The following USP22 variants were observed in gnomAD, a reference collection of about 807,000 sequenced individuals.
USP22 encodes ubiquitin carboxyl-terminal hydrolase 22.
USP22 carries 22 observed loss-of-function variants against 68.1 expected under a neutral mutation model. The ratio of observed to expected loss-of-function variants is 0.32; its 90% CI spans 0.23 to 0.46. The LOEUF (loss-of-function observed/expected upper bound fraction) is 0.46, where lower values mean the gene tolerates loss of function less well. Among genes scored for constraint, USP22 ranks in the 20% least tolerant of loss-of-function variants. USP22 has a pLI of 1.00. For synonymous variants in USP22, 279 were observed against 274.2 expected (o/e 1.02, Z -0.17); for missense variants, 433 against 695.8 (o/e 0.62, Z 4.25).
At position 21,011,234 on chromosome 17, in the gene USP22, G is replaced by C. The variant is rs118038927; in HGVS notation, c.1020C>G (p.Pro340=). The C allele has an allele frequency of 0.012, 19,189 of 1,606,578 alleles. 144 individuals are homozygous for C. Among genetic ancestry groups the C allele is most frequent in the South Asian group, 0.015 (1,384 of 89,800 alleles). Residue 340 remains proline, a synonymous_variant, in exon 8 of 13, where the codon CCC becomes CCG. Coordinates refer to ENST00000261497, the MANE Select transcript of USP22 (RefSeq NM_015276.2). The stretch of plus-strand genomic sequence containing the variant: ...CGTTGCCCTCGCTCCCTGGGCTCAG[G>C]GGCCAGAATGGGGTGGAAGAGCCGG... ...DLPGSSTPFW[P]LSPGSEGNVV... is the part of the protein sequence containing the mutation.
chr17:21,027,946 T>C (rs530714648), intron 2 of USP22, among the ~76,000 whole-genome samples: 11 of 152,164 alleles, frequency 7.2e-5, no homozygotes, highest in Admixed American at 3.3e-4. Flanking sequence ...CCACCCTGGG[T>C]GACAGCGCGA....
chr17:21,011,257 C>T lies in USP22; in HGVS notation c.997G>A (p.Gly333Ser). ...AGGGGCCAGAATGGGGTGGAAGAGC[C>T]GGGGAGATCCAAGCTGATGTCCCAG... The part of the protein sequence containing the change: ...PFWDISLDLP[G>S]SSTPFWPLSP... Residue 333 changes from glycine to serine, a missense_variant, in exon 8 of 13, where the codon GGC (glycine) becomes AGC (serine). By Grantham distance (56) the Gly-to-Ser change is moderately conservative (BLOSUM62 0). This residue lies in a region of USP22 where 178 missense variants were observed against 351.5 expected (regional missense o/e 0.51). Transcript: ENST00000261497. 6.3e-7 allele frequency: 1 copy of T among 1,591,676 alleles called. No homozygotes were observed. The highest frequency in any genetic ancestry group is 8.6e-7 in the Non-Finnish European group (1 of 1,168,784).
chr17:21,018,754 C>T (rs1035808013), intron 4 of USP22, among the ~76,000 whole-genome samples: 13 of 152,196 alleles, frequency 8.5e-5, no homozygotes, highest in East Asian at 1.9e-4. Context: ...GAAAATTCAG[C>T]GAACACTTAC....
chr17:21,008,165 C>G (rs548711941), intron 8 of USP22, among the ~76,000 whole-genome samples, 169 bp from the exon 9 acceptor site: 1 of 152,194 alleles, frequency 6.6e-6, no homozygotes, highest in Non-Finnish European at 1.5e-5. Context: ...TCCACCTTTG[C>G]TGCCTGTCTC....
chr17:21,043,123 A>ACACCCCCC (rs1972466791), upstream of USP22: 2 of 18,886 alleles, frequency 1.1e-4, no homozygotes, highest in Non-Finnish European at 1.1e-4. Flanking sequence ...AGATTACGTC[A>ACACCCCCC]CCCCCCCCCC....
At chr17:21,024,659 C>A (rs185340451) in intron 2 of USP22, among the ~76,000 whole-genome samples, 29 of 152,288 alleles carry the variant, frequency 1.9e-4, no homozygotes, top group African/African-American at 7.0e-4. Context: ...ACAAAACCAT[C>A]AGCAACAAAA....
chr17:21,009,452 A>G (rs1913878833), intron 8 of USP22, among the ~76,000 whole-genome samples: 1 of 80,916 alleles, frequency 1.2e-5, no homozygotes, highest in Non-Finnish European at 2.9e-5. Context: ...TTTGCTTGCA[A>G]TACAAAGTGG....
intron 12 of USP22, 32 bp from the exon 13 acceptor site, chr17:21,003,105 C>T (rs781061079): frequency 1.9e-6 from 3 of 1,613,048 alleles, no homozygotes; most frequent in Non-Finnish European, 1.7e-6. Flanking sequence ...GGAGGCTCAC[C>T]TCTAACTCCT....
At chr17:21,043,026 C>G (rs1243787340), upstream of USP22, 2 of 300,016 alleles carry the variant, frequency 6.7e-6, no homozygotes, top group Non-Finnish European at 6.0e-6. Flanking sequence ...GCACCGCCCC[C>G]GAGCTGCGGC....
chr17:21,008,039 A>G lies in USP22; in HGVS notation c.1104-43T>C, dbSNP rs113413594. The G allele has an allele frequency of 1.3e-4, 203 of 1,592,344 alleles. 3 individuals carry two copies. The African/African-American group carries it at 2.1e-3, about 16-fold the overall frequency. ...AGACAGGAGCGGTAAGGGAGATGCAAGAGACAGAAAAATGAGAGGAAAGAG... is the reference window on the plus strand; with the variant it reads ...AGACAGGAGCGGTAAGGGAGATGCAGGAGACAGAAAAATGAGAGGAAAGAG... On this transcript the variant is annotated intron_variant, in intron 8 of 12. Coordinates refer to ENST00000261497, the MANE Select transcript of USP22 (RefSeq NM_015276.2).
At chr17:21,035,197 C>A (rs1213686038) in intron 1 of USP22, among the ~76,000 whole-genome samples, 1 of 152,162 alleles carries the variant, frequency 6.6e-6, no homozygotes, top group Non-Finnish European at 1.5e-5. Flanking sequence ...TATCCTAAAG[C>A]CTCATTTTAA....
rs1227095278 is a variant in USP22, at chr17:21,004,919, A to C, written c.1385+9T>G. On this transcript the variant is annotated intron_variant, in intron 11 of 12. Transcript: ENST00000261497. ...GCCCTGGACACCCACACCGCTAAGC[A>C]CCACTTACTTGTTGTCATTGTTGAG... 3 of 1,614,112 alleles carry C rather than the reference A, an allele frequency of 1.9e-6. No homozygotes were observed. The South Asian group carries it at 3.3e-5, about 18-fold the overall frequency.
At chr17:21,039,095 G>T (rs1052949237) in intron 1 of USP22, among the ~76,000 whole-genome samples, 18 of 151,972 alleles carry the variant, frequency 1.2e-4, no homozygotes, top group African/African-American at 3.9e-4. Context: ...GGGATTACAG[G>T]CGCGTGCCAC....
At chr17:21,028,406 T>C in intron 2 of USP22, 136 bp downstream of exon 2, 1 of 1,369,436 alleles carries the variant, frequency 7.3e-7, no homozygotes, top group South Asian at 1.4e-5. Context: ...CTTCCAAGTG[T>C]CACCAGTGAG....
chr17:21,009,045 T>G (rs1168435283), intron 8 of USP22, among the ~76,000 whole-genome samples: 3 of 134,890 alleles, frequency 2.2e-5, no homozygotes, highest in Non-Finnish European at 4.6e-5. Context: ...GAGCCGAGAT[T>G]GTGCCACTGC....
Position 21,011,144 on chromosome 17 carries a change from C to T in USP22, c.1103+7G>A, listed in dbSNP as rs1201266728. Reference sequence around the variant, plus strand: ...ACGCCCCCGCCGTGTGGGTGCAGGCCTCTCACCGTCGCAGGCAGTCCGTGA... The same window carrying T: ...ACGCCCCCGCCGTGTGGGTGCAGGCTTCTCACCGTCGCAGGCAGTCCGTGA... On this transcript the variant is annotated splice_region_variant and intron_variant, in intron 8 of 12. Coordinates refer to ENST00000261497, the MANE Select transcript of USP22 (RefSeq NM_015276.2). 1 of 1,580,678 alleles carries T rather than the reference C, an allele frequency of 6.3e-7. No individual in the cohort carries two copies. Among genetic ancestry groups the T allele is most frequent in the African/African-American group, 1.3e-5 (1 of 74,422 alleles).
At position 21,000,979 on chromosome 17, in the gene USP22, G is replaced by A. The variant is rs1127814; in HGVS notation, c.*2052C>T. 0.19 allele frequency: 28,391 copies of A among 150,388 alleles called. 3,339 individuals are homozygous for A. Among genetic ancestry groups the A allele is most frequent in the South Asian group, 0.28 (1,303 of 4,718 alleles). The allele number at this position is 150,388 out of a possible 1,614,324, so 9.3% of individuals were successfully genotyped here. Reference sequence around the variant, plus strand: ...GCACGAGAACTGCTTGAACCCAGGAGGTGGAGGTTGCAGTGAGCCGAGACT... The same window carrying A: ...GCACGAGAACTGCTTGAACCCAGGAAGTGGAGGTTGCAGTGAGCCGAGACT... On this transcript the variant is annotated 3_prime_UTR_variant, in exon 13 of 13. Coordinates refer to ENST00000261497, the MANE Select transcript of USP22 (RefSeq NM_015276.2).
rs762152961 is a variant in USP22, at chr17:21,003,065, A to G, written c.1544T>C (p.Leu515Pro). ...KDVLDSEGYL[L>P]FYHKQFLEYE ...TTCCAGGAACTGTTTGTGATAGAAC[A>G]GCAAGTACCTGTGGAGGCAGAGAGA... The change falls in exon 13 of 13, where the codon CTG becomes CCG. Residue 515 changes from leucine (L) to proline (P), a missense_variant. By Grantham distance (98) the Leu-to-Pro change is moderately conservative. Around this residue, in one of 4 missense-constraint regions of USP22, gnomAD observed 178 missense variants for 351.5 expected, o/e 0.51. Transcript: ENST00000261497. 6.2e-7 allele frequency: 1 copy of G among 1,614,018 alleles called. No homozygotes were observed. The highest frequency in any genetic ancestry group is 8.5e-7 in the Non-Finnish European group (1 of 1,179,946).
chr17:21,030,778 TC>T (rs1276670243), intron 1 of USP22, among the ~76,000 whole-genome samples: 1 of 152,222 alleles, frequency 6.6e-6, no homozygotes, highest in Non-Finnish European at 1.5e-5. Flanking sequence ...ACACATGAAA[TC>T]AAATGCAATC....
Sources: gnomAD v4.1 joint callset for allele counts (sites outside exome capture counted in the v4.1 genomes callset) on GRCh38, gnomAD v4.1.1 for gene constraint, gnomAD v4.1.1 regional missense constraint, MANE v1.5 for transcripts, NCBI Gene and HGNC (gene_info 2026-07-23, HGNC 2026-07-21) for gene names.